Variants in PLXNC1 observed in about 807,000 individuals in gnomAD.
PLXNC1 encodes the protein plexin-C1.
A neutral mutation model predicts 178.2 loss-of-function variants in PLXNC1; 75 were observed. That is an observed-to-expected ratio of 0.42 (90% CI 0.35 to 0.51). PLXNC1 has a LOEUF of 0.51. Ranked by LOEUF, PLXNC1 falls within the 20% of genes least tolerant of loss-of-function variation. The pLI is 0.02. For missense variants in PLXNC1, 1,503 were observed against 1,984.4 expected (o/e 0.76, Z 4.61); for synonymous variants, 790 against 779.9 (o/e 1.01, Z -0.22).
chr12:94,240,110 C>T (rs142288891), intron 10 of PLXNC1, among the ~76,000 whole-genome samples: 2 of 152,236 alleles, frequency 1.3e-5, no homozygotes, highest in African/African-American at 4.8e-5. Flanking sequence ...ACTTCAGTAC[C>T]TCTCTAACAG....
chr12:94,177,109 GTGTA>G (rs1962085423), intron 2 of PLXNC1, among the ~76,000 whole-genome samples: 2 of 128,358 alleles, frequency 1.6e-5, no homozygotes, highest in Non-Finnish European at 3.3e-5. Flanking sequence ...ATATGTGTGT[GTGTA>G]TATATGTGTG....
At chr12:94,246,900 GGGT>G (rs1964543643) in intron 12 of PLXNC1, among the ~76,000 whole-genome samples, 3 of 151,682 alleles carry the variant, frequency 2.0e-5, no homozygotes, top group Admixed American at 2.0e-4. Context: ...GGGGTGGCGG[GGGT>G]GGGGGAAAAA....
intron 21 of PLXNC1, among the ~76,000 whole-genome samples, chr12:94,273,219 A>G (rs550958199): frequency 2.3e-4 from 35 of 152,252 alleles, no homozygotes; most frequent in Admixed American, 1.2e-3. Flanking sequence ...CTAGAACCAT[A>G]TTCTTTTCTT....
chr12:94,301,723 G>C (rs1397339328), intron 28 of PLXNC1, among the ~76,000 whole-genome samples: 1 of 150,238 alleles, frequency 6.7e-6, no homozygotes, highest in African/African-American at 2.5e-5. Context: ...GGAATGAATG[G>C]AGACTGATGT....
Position 94,282,485 on chromosome 12 carries a change from C to T in PLXNC1, c.3879+84C>T, listed in dbSNP as rs1966518804. 5.7e-6 allele frequency: 5 copies of T among 871,114 alleles called. No homozygotes were observed. In the South Asian group the frequency reaches 7.4e-5, roughly 13 times the overall value. The allele number at this position is 871,114 out of a possible 1,614,324, so 54.0% of individuals were successfully genotyped here. ...CATTCTTTTAAAACATCCAGGACTC[C>T]CACCCATTTCCTGGAATGACTTGCA... On this transcript the variant is annotated intron_variant, in intron 23 of 30. Coordinates refer to ENST00000258526, the MANE Select transcript of PLXNC1 (RefSeq NM_005761.3).
intron 11 of PLXNC1, among the ~76,000 whole-genome samples, chr12:94,241,992 A>T (rs1168502444): frequency 2.0e-5 from 3 of 151,478 alleles, no homozygotes; most frequent in Non-Finnish European, 2.9e-5. Context: ...AAAAAAAAGA[A>T]GAAGAAGAAG....
chr12:94,247,642 T>A (rs1269012254), intron 12 of PLXNC1, among the ~76,000 whole-genome samples: 1 of 152,162 alleles, frequency 6.6e-6, no homozygotes, highest in Non-Finnish European at 1.5e-5. Context: ...ATATTAATCA[T>A]AATATTAACT....
chr12:94,303,793 T>C lies in PLXNC1; in HGVS notation c.4424T>C (p.Ile1475Thr). ...AATAAGCTTCTCTATGCCAAGGATA[T>C]CCCAACCTACAAAGAAGAAGTAAAA... is the stretch of plus-strand genomic sequence containing the variant. Reference protein sequence around the residue: ...PTNKLLYAKDIPTYKEEVKSY... With the variant: ...PTNKLLYAKDTPTYKEEVKSY... Residue 1475 changes from isoleucine (I) to threonine (T), a missense_variant, in exon 29 of 31, where the codon ATC becomes ACC. Ile to Thr is a moderately conservative substitution (Grantham distance 89). Transcript: ENST00000258526. 6.5e-7 allele frequency: 1 copy of C among 1,531,188 alleles called. No individual in the cohort carries two copies. The highest frequency in any genetic ancestry group is 8.9e-7 in the Non-Finnish European group (1 of 1,128,176). 94.9% of individuals were successfully genotyped at this position (1,531,188 alleles called of 1,614,324 possible).
chr12:94,181,824 T>A (rs1357240900), intron 3 of PLXNC1, among the ~76,000 whole-genome samples: 1 of 152,198 alleles, frequency 6.6e-6, no homozygotes. Context: ...GCCAAGTTTT[T>A]CAGAGGAGGG....
At chr12:94,177,201 G>GTA (rs201569205) in intron 2 of PLXNC1, among the ~76,000 whole-genome samples, 23,626 of 61,316 alleles carry the variant, frequency 0.39, 2,609 homozygotes, top group East Asian at 0.48. Context: ...ATATATATAC[G>GTA]TATATATATA....
intron 4 of PLXNC1, among the ~76,000 whole-genome samples, chr12:94,205,517 A>T (rs143188441): frequency 7.5e-4 from 115 of 152,330 alleles, no homozygotes; most frequent in African/African-American, 2.6e-3. Flanking sequence ...CATTATTTCT[A>T]TGGGGGAAAA....
At chr12:94,220,203 A>G in intron 6 of PLXNC1, 40 bp downstream of exon 6, 1 of 1,594,916 alleles carries the variant, frequency 6.3e-7, no homozygotes, top group Non-Finnish European at 8.6e-7. Flanking sequence ...TATAAAATCA[A>G]AAAAACAAGG....
intron 1 of PLXNC1, among the ~76,000 whole-genome samples, chr12:94,151,887 G>C (rs964590790): frequency 6.6e-6 from 1 of 152,208 alleles, no homozygotes; most frequent in African/African-American, 2.4e-5. Context: ...CTTGTGCCGG[G>C]ATGGGGAGGG....
intron 1 of PLXNC1, among the ~76,000 whole-genome samples, chr12:94,163,085 G>T (rs746897747): frequency 2.0e-5 from 3 of 152,134 alleles, no homozygotes; most frequent in African/African-American, 7.2e-5. Flanking sequence ...AGAACCTAGG[G>T]CCAGGTGCGG....
chr12:94,150,053 C>A lies in PLXNC1; in HGVS notation c.1062+20C>A. 1 of 1,539,800 alleles carries A rather than the reference C, an allele frequency of 6.5e-7. No homozygotes were observed. Among genetic ancestry groups the A allele is most frequent in the Non-Finnish European group, 8.7e-7 (1 of 1,146,120 alleles). On this transcript the variant is annotated intron_variant, in intron 1 of 30. Coordinates refer to ENST00000258526, the MANE Select transcript of PLXNC1 (RefSeq NM_005761.3). ...CACTGCGTAAGTCCTGCCCCCGGGG[C>A]GCCGCGGAGAGCGCTGCTGCCGGGG...
intron 3 of PLXNC1, among the ~76,000 whole-genome samples, chr12:94,181,887 T>C (rs767596811): frequency 2.0e-5 from 3 of 152,168 alleles, no homozygotes; most frequent in Non-Finnish European, 4.4e-5. Context: ...TACACATTTA[T>C]TGTGTGGGCA....
chr12:94,179,275 A>C (rs1264667348), intron 2 of PLXNC1, among the ~76,000 whole-genome samples: 1 of 152,250 alleles, frequency 6.6e-6, no homozygotes, highest in East Asian at 1.9e-4. Context: ...TTTTCTTTTG[A>C]AACCATGCGC....
chr12:94,182,209 T>C (rs1962333224), intron 3 of PLXNC1, among the ~76,000 whole-genome samples: 1 of 152,104 alleles, frequency 6.6e-6, no homozygotes, highest in Non-Finnish European at 1.5e-5. Flanking sequence ...TCTAGGTGCA[T>C]AGAATTGTGT....
chr12:94,283,835 G>T (rs1416756108), intron 23 of PLXNC1, among the ~76,000 whole-genome samples: 10 of 152,240 alleles, frequency 6.6e-5, no homozygotes, highest in African/African-American at 2.4e-4. Context: ...TGTAATCCCA[G>T]CACTTCGGGA....
Sources: allele counts gnomAD v4.1 joint callset (sites outside exome capture counted in the v4.1 genomes callset), GRCh38; gene constraint gnomAD v4.1.1; transcripts MANE v1.5; gene names NCBI Gene and HGNC (gene_info 2026-07-23, HGNC 2026-07-21).